PPP1R14C: variants seen among roughly 807,000 people sequenced by gnomAD.
The protein encoded by PPP1R14C is protein phosphatase 1 regulatory subunit 14C.
In PPP1R14C, 16 loss-of-function variants were observed where a neutral mutation model predicts 20.4. That is an observed-to-expected ratio of 0.78 (90% CI 0.53 to 1.19). The LOEUF (loss-of-function observed/expected upper bound fraction) is 1.19. Among genes scored for constraint, PPP1R14C ranks in the 50% most tolerant of loss-of-function variants. The pLI, the probability that PPP1R14C is intolerant of heterozygous loss-of-function variation, is 0.00. For missense variants in PPP1R14C, 211 were observed against 220.1 expected (o/e 0.96, Z 0.26); for synonymous variants, 91 against 91.0 (o/e 1.00, Z 0.00).
intron 3 of PPP1R14C, 46 bp downstream of exon 3, chr6:150,216,902 A>G: frequency 6.7e-7 from 1 of 1,484,460 alleles, no homozygotes; most frequent in Non-Finnish European, 9.3e-7. Flanking sequence ...ACTGGTTTTT[A>G]TTAAATCAAT....
At chr6:150,206,763 G>A (rs997515380) in intron 1 of PPP1R14C, among the ~76,000 whole-genome samples, 1 of 152,158 alleles carries the variant, frequency 6.6e-6, no homozygotes, top group Admixed American at 6.5e-5. Flanking sequence ...GACAAGAAAG[G>A]CGATTCCTGT....
chr6:150,197,964 T>C (rs13209306), intron 1 of PPP1R14C, among the ~76,000 whole-genome samples: 63 of 42,140 alleles, frequency 1.5e-3, no homozygotes, highest in Admixed American at 3.2e-3. Context: ...CCCCTGCCCG[T>C]CACGGTGGAG....
chr6:150,162,711 T>C (rs552525657), intron 1 of PPP1R14C, among the ~76,000 whole-genome samples: 1 of 152,342 alleles, frequency 6.6e-6, no homozygotes, highest in South Asian at 2.1e-4. Flanking sequence ...AAATGCCACA[T>C]GCACTTTTAG....
At chr6:150,244,181 A>AAC (rs34836155) in intron 3 of PPP1R14C, among the ~76,000 whole-genome samples, 10 of 150,560 alleles carry the variant, frequency 6.6e-5, no homozygotes, top group Non-Finnish European at 1.2e-4. Context: ...AAAAAAAAAA[A>AAC]CTCACTGGGA....
chr6:150,216,272 G>T (rs1024247319), intron 2 of PPP1R14C, among the ~76,000 whole-genome samples: 7 of 152,176 alleles, frequency 4.6e-5, no homozygotes. Flanking sequence ...AAGGCGGGTG[G>T]ATCACCTGAG....
intron 3 of PPP1R14C, among the ~76,000 whole-genome samples, chr6:150,235,195 C>G (rs377652221): frequency 7.9e-5 from 12 of 152,302 alleles, no homozygotes; most frequent in African/African-American, 2.9e-4. Context: ...CTCAAATGAT[C>G]CTCCTGCCTC....
At chr6:150,203,639 AC>A (rs1445473277) in intron 1 of PPP1R14C, among the ~76,000 whole-genome samples, 1 of 152,092 alleles carries the variant, frequency 6.6e-6, no homozygotes, top group East Asian at 1.9e-4. Flanking sequence ...CACTGCAGCA[AC>A]CCCGAATGCC....
intron 1 of PPP1R14C, among the ~76,000 whole-genome samples, chr6:150,149,285 C>T (rs909782039): frequency 3.4e-5 from 5 of 145,478 alleles, no homozygotes; most frequent in African/African-American, 1.3e-4. Context: ...CTGAGCCTCA[C>T]TTTCTCCATA....
chr6:150,169,207 C>T (rs1213807935), intron 1 of PPP1R14C, among the ~76,000 whole-genome samples: 1 of 152,168 alleles, frequency 6.6e-6, no homozygotes, highest in Non-Finnish European at 1.5e-5. Context: ...AGATATTTTA[C>T]ACTCCTTAAA....
At chr6:150,203,268 A>G (rs1161597463) in intron 1 of PPP1R14C, among the ~76,000 whole-genome samples, 2 of 152,142 alleles carry the variant, frequency 1.3e-5, no homozygotes, top group African/African-American at 2.4e-5. Context: ...TACTATCTCC[A>G]TATTTTAGTC....
chr6:150,152,587 T>TC (rs1739826425), intron 1 of PPP1R14C, among the ~76,000 whole-genome samples: 1 of 140,878 alleles, frequency 7.1e-6, no homozygotes. Context: ...CTCCACCCCC[T>TC]CCCCTGCCCC....
intron 1 of PPP1R14C, among the ~76,000 whole-genome samples, chr6:150,165,377 A>C (rs1044215632): frequency 1.3e-5 from 2 of 152,214 alleles, no homozygotes; most frequent in African/African-American, 4.8e-5. Flanking sequence ...AGAAGACTTG[A>C]CTTGCCTAGT....
chr6:150,211,537 A>G (rs940899372), intron 1 of PPP1R14C, among the ~76,000 whole-genome samples: 16 of 152,202 alleles, frequency 1.1e-4, no homozygotes, highest in African/African-American at 3.6e-4. Flanking sequence ...CTCCTTTGTA[A>G]GTGATTTGAT....
intron 1 of PPP1R14C, among the ~76,000 whole-genome samples, chr6:150,200,607 G>A (rs141643015): frequency 3.3e-3 from 509 of 152,278 alleles, no homozygotes; most frequent in Non-Finnish European, 4.4e-3. Context: ...ACACCCCTAG[G>A]TGCAGCTGTG....
At chr6:150,238,962 G>A (rs960442083) in intron 3 of PPP1R14C, among the ~76,000 whole-genome samples, 1 of 151,244 alleles carries the variant, frequency 6.6e-6, no homozygotes, top group African/African-American at 2.4e-5. Flanking sequence ...TTTTTTTGGC[G>A]GTCGAGCGTA....
intron 3 of PPP1R14C, among the ~76,000 whole-genome samples, chr6:150,246,177 G>A (rs1375220175): frequency 6.6e-6 from 1 of 152,076 alleles, no homozygotes; most frequent in Non-Finnish European, 1.5e-5. Flanking sequence ...GAAAGGGTCT[G>A]TAGGGTCGAT....
At chr6:150,241,275 A>G (rs1778428152) in intron 3 of PPP1R14C, among the ~76,000 whole-genome samples, 1 of 152,202 alleles carries the variant, frequency 6.6e-6, no homozygotes, top group African/African-American at 2.4e-5. Flanking sequence ...AGGGGCCCAG[A>G]GAGGGCACGA....
chr6:150,226,764 T>C (rs1778235548), intron 3 of PPP1R14C, among the ~76,000 whole-genome samples: 1 of 152,152 alleles, frequency 6.6e-6, no homozygotes, highest in African/African-American at 2.4e-5. Context: ...AATTATACAA[T>C]GATATCAAAG....
chr6:150,219,233 A>T (rs1208136054), intron 3 of PPP1R14C, among the ~76,000 whole-genome samples: 3 of 150,786 alleles, frequency 2.0e-5, no homozygotes, highest in Admixed American at 2.0e-4. Flanking sequence ...TATTATTATT[A>T]TTATTATTAT....
Sources: gnomAD v4.1 joint callset for allele counts (sites outside exome capture counted in the v4.1 genomes callset) on GRCh38, gnomAD v4.1.1 for gene constraint, MANE v1.5 for transcripts, NCBI Gene and HGNC (gene_info 2026-07-23, HGNC 2026-07-21) for gene names.